Variants in MAPK10 observed in about 807,000 individuals in gnomAD.
MAPK10 encodes the protein mitogen-activated protein kinase 10.
A neutral mutation model predicts 59.3 loss-of-function variants in MAPK10; 25 were observed. The ratio of observed to expected loss-of-function variants is 0.42; its 90% CI spans 0.31 to 0.59. The LOEUF (loss-of-function observed/expected upper bound fraction) is 0.59, where lower values mean the gene tolerates loss of function less well. MAPK10 is among the 20% of genes least tolerant of loss of function. The probability of loss-of-function intolerance (pLI) is 0.15; values close to 1 mark genes in which losing one functional copy is unlikely to be tolerated. For missense variants in MAPK10, 351 were observed against 568.9 expected (o/e 0.62, Z 3.90); for synonymous variants, 190 against 200.5 (o/e 0.95, Z 0.44).
chr4:86,127,685 C>T (rs182451179), intron 4 of MAPK10: 1 of 152,140 alleles, frequency 6.6e-6, no homozygotes, highest in African/African-American at 2.4e-5. Context: ...GGCACAAAGA[C>T]TCCAGTTTGA....
At chr4:86,150,010 G>A (rs954028148) in intron 4 of MAPK10, among the ~76,000 whole-genome samples, 8 of 152,132 alleles carry the variant, frequency 5.3e-5, no homozygotes, top group East Asian at 1.9e-4. Context: ...AAAAAAAAAC[G>A]GGAGCCAAAG....
chr4:86,367,095 G>C (rs970231982), intron 1 of MAPK10, among the ~76,000 whole-genome samples: 2 of 152,158 alleles, frequency 1.3e-5, no homozygotes, highest in African/African-American at 4.8e-5. Flanking sequence ...TTCCTTAAAA[G>C]AGTGATGTCA....
chr4:86,039,881 T>G (rs962891423), intron 11 of MAPK10, among the ~76,000 whole-genome samples: 1 of 152,020 alleles, frequency 6.6e-6, no homozygotes, highest in Non-Finnish European at 1.5e-5. Context: ...CCCAACCCTA[T>G]AGACCCACCC....
intron 1 of MAPK10, among the ~76,000 whole-genome samples, chr4:86,367,627 A>G (rs1168033628): frequency 6.6e-6 from 1 of 152,084 alleles, no homozygotes; most frequent in Non-Finnish European, 1.5e-5. Flanking sequence ...CACTTGAGAA[A>G]GTATTCTTAT....
At chr4:86,307,101 ATCT>A (rs1196380365) in intron 2 of MAPK10, among the ~76,000 whole-genome samples, 2 of 152,126 alleles carry the variant, frequency 1.3e-5, no homozygotes, top group Non-Finnish European at 2.9e-5. Context: ...AAAACTCAAA[ATCT>A]TCTTCTGACT....
At chr4:86,063,120 T>C (rs2046041848) in intron 11 of MAPK10, among the ~76,000 whole-genome samples, 1 of 152,140 alleles carries the variant, frequency 6.6e-6, no homozygotes, top group African/African-American at 2.4e-5. Context: ...TGCTTAAAGA[T>C]TGGGTTACAT....
intron 11 of MAPK10, among the ~76,000 whole-genome samples, chr4:86,050,802 T>C (rs1242747067): frequency 6.6e-6 from 1 of 152,154 alleles, no homozygotes; most frequent in Admixed American, 6.6e-5. Context: ...GGTAACAGAT[T>C]GCTGTACTAT....
intron 1 of MAPK10, among the ~76,000 whole-genome samples, chr4:86,432,713 C>T (rs1045482782): frequency 2.0e-5 from 3 of 152,226 alleles, no homozygotes; most frequent in Non-Finnish European, 4.4e-5. Flanking sequence ...CAGAACTGCA[C>T]TCACTACTTG....
At chr4:86,521,512 T>G (rs946204446) in intron 1 of MAPK10, among the ~76,000 whole-genome samples, 1 of 151,994 alleles carries the variant, frequency 6.6e-6, no homozygotes, top group African/African-American at 2.4e-5. Flanking sequence ...CTCAGGCCAA[T>G]GGGGTTATGT....
intron 1 of MAPK10, among the ~76,000 whole-genome samples, chr4:86,419,105 T>C (rs916341176): frequency 1.3e-5 from 2 of 152,156 alleles, no homozygotes; most frequent in African/African-American, 4.8e-5. Flanking sequence ...AAAGAACTTA[T>C]TCATGTAACC....
intron 1 of MAPK10, among the ~76,000 whole-genome samples, chr4:86,489,912 T>C (rs764670545): frequency 1.3e-5 from 2 of 152,154 alleles, no homozygotes; most frequent in Non-Finnish European, 2.9e-5. Flanking sequence ...GGGCCCTTTT[T>C]TCTGTTCCAC....
At chr4:86,464,891 G>C (rs1752061802) in intron 1 of MAPK10, among the ~76,000 whole-genome samples, 1 of 151,810 alleles carries the variant, frequency 6.6e-6, no homozygotes, top group African/African-American at 2.4e-5. Context: ...CGGGACTTTT[G>C]ACTGCAGGGA....
At position 86,145,231 on chromosome 4, in the gene MAPK10, G is replaced by A. The variant is rs372874343; in HGVS notation, c.236+14067C>T. Among the ~76,000 whole-genome samples, 385 of 92,070 alleles carry A rather than the reference G, an allele frequency of 4.2e-3. 106 individuals carry two copies. Among genetic ancestry groups the A allele is most frequent in the African/African-American group, 0.022 (356 of 15,908 alleles). The allele number at this position is 92,070 out of a possible 152,430, so 60.4% of individuals were successfully genotyped here. On this transcript the variant is annotated intron_variant, in intron 4 of 13. Transcript: ENST00000641462. ...TCTATCTCTAGCCGGGCGTGGTGGCGCGCGCCTGTAGTCCCAGCTACACGG... is the reference window on the plus strand; with the variant it reads ...TCTATCTCTAGCCGGGCGTGGTGGCACGCGCCTGTAGTCCCAGCTACACGG...
intron 2 of MAPK10, among the ~76,000 whole-genome samples, chr4:86,226,117 C>G (rs949844982): frequency 6.6e-6 from 1 of 152,146 alleles, no homozygotes; most frequent in African/African-American, 2.4e-5. Flanking sequence ...GTTAGAAATG[C>G]TTTTCCTTGC....
chr4:86,195,527 G>T (rs1466942903), intron 2 of MAPK10, among the ~76,000 whole-genome samples: 5 of 152,120 alleles, frequency 3.3e-5, no homozygotes, highest in African/African-American at 1.2e-4. Context: ...TTTGTCACAG[G>T]CCGTCTGCTG....
chr4:86,475,871 T>C (rs1256563875), intron 1 of MAPK10, among the ~76,000 whole-genome samples: 1 of 152,088 alleles, frequency 6.6e-6, no homozygotes, highest in Non-Finnish European at 1.5e-5. Flanking sequence ...CCTTAGCCTG[T>C]GTTCTCAAGA....
intron 5 of MAPK10, 147 bp downstream of exon 5, chr4:86,107,076 C>T (rs975270436): frequency 8.7e-6 from 5 of 573,382 alleles, no homozygotes; most frequent in Non-Finnish European, 1.2e-5. Context: ...ACAATGAAAT[C>T]GAATGTAGCA....
At chr4:86,107,462 A>T in intron 4 of MAPK10, 110 bp from the exon 5 acceptor site, 9 of 1,464,192 alleles carry the variant, frequency 6.1e-6, no homozygotes, top group African/African-American at 1.4e-5. Context: ...AATCTTAGAT[A>T]CTGTCTACTC....
chr4:86,137,793 C>T (rs1397595213), intron 4 of MAPK10, among the ~76,000 whole-genome samples: 1 of 145,042 alleles, frequency 6.9e-6, no homozygotes, highest in Non-Finnish European at 1.5e-5. Flanking sequence ...GCTAGCAAGA[C>T]TAATAAAGAA....
Sources: allele counts gnomAD v4.1 joint callset (sites outside exome capture counted in the v4.1 genomes callset), GRCh38; gene constraint gnomAD v4.1.1; transcripts MANE v1.5; gene names NCBI Gene and HGNC (gene_info 2026-07-23, HGNC 2026-07-21).